The following TUNAR variants were observed in gnomAD, a reference collection of about 807,000 sequenced individuals.
The protein encoded by TUNAR is protein TUNAR.
At chr14:95,897,932 C>G (rs1889291009) in intron 2 of TUNAR, among the ~76,000 whole-genome samples, 1 of 152,038 alleles carries the variant, frequency 6.6e-6, no homozygotes, top group African/African-American at 2.4e-5. Flanking sequence ...GAGCCTTTCC[C>G]CATTGTTTTT....
chr14:95,882,564 A>G (rs1888997078), intron 2 of TUNAR, among the ~76,000 whole-genome samples: 1 of 152,230 alleles, frequency 6.6e-6, no homozygotes. Flanking sequence ...GTGGTGGCTA[A>G]GAGAGGCTAG....
rs2139659532 is a variant in TUNAR at position 95,895,419 on chromosome 14, T to C, written c.12+18242T>C. Among the ~76,000 whole-genome samples the C allele has an allele frequency of 1.3e-5, 2 of 151,708 alleles. No individual in the cohort carries two copies. The highest frequency in any genetic ancestry group is 6.8e-3 in the Middle Eastern group (2 of 294). On this transcript the variant is annotated intron_variant, in intron 2 of 2. Coordinates refer to ENST00000678517, the Ensembl canonical transcript of TUNAR. This position sits in a 1 kb window ranked among gnomAD's most constrained non-coding sequence, Gnocchi z 4.5. Reference sequence around the variant, plus strand: ...CACACATGTGTGCATGTTGTTAGAGTGTGTGTGGTGCGTGTGTGTATGTGT... The same window carrying C: ...CACACATGTGTGCATGTTGTTAGAGCGTGTGTGGTGCGTGTGTGTATGTGT...
intron 2 of TUNAR, among the ~76,000 whole-genome samples, chr14:95,879,059 T>G (rs1888935717): frequency 6.6e-6 from 1 of 152,202 alleles, no homozygotes; most frequent in Non-Finnish European, 1.5e-5. Flanking sequence ...CGGCCTTAGC[T>G]TGGCTGCAGA....
chr14:95,878,268 GCTGTTTGCTTAAGTGCATTTAGTTAA>G (rs879549868), intron 2 of TUNAR, among the ~76,000 whole-genome samples: 113 of 152,342 alleles, frequency 7.4e-4, no homozygotes, highest in African/African-American at 1.7e-3. Context: ...GCCGCTGTTA[GCTGTTTGCTTAAGTGCATTTAGTTAA>G]CTGTTTGCTT....
intron 2 of TUNAR, among the ~76,000 whole-genome samples, chr14:95,916,149 A>G (rs55693545): frequency 0.1 from 15,571 of 152,332 alleles, 948 homozygotes; most frequent in South Asian, 0.22. Flanking sequence ...GAATGTAAGT[A>G]TAAAGAGCAA....
chr14:95,892,372 T>C (rs938857919), intron 2 of TUNAR, among the ~76,000 whole-genome samples: 5 of 152,254 alleles, frequency 3.3e-5, no homozygotes, highest in African/African-American at 1.2e-4. Flanking sequence ...CTGTCTGAGA[T>C]GCTGCAAGTG....
At chr14:95,882,269 G>A (rs1888992015) in intron 2 of TUNAR, among the ~76,000 whole-genome samples, 1 of 96,756 alleles carries the variant, frequency 1.0e-5, no homozygotes, top group African/African-American at 3.1e-5. Context: ...TTTCTAACAT[G>A]TGTAGTTACT....
intron 2 of TUNAR, among the ~76,000 whole-genome samples, chr14:95,891,137 A>G (rs1453090909): frequency 1.3e-5 from 2 of 152,228 alleles, no homozygotes; most frequent in Non-Finnish European, 2.9e-5. Flanking sequence ...GTTGGCAAAC[A>G]CTTTTAATTA....
intron 2 of TUNAR, among the ~76,000 whole-genome samples, chr14:95,879,014 C>T (rs1032020219): frequency 6.6e-6 from 1 of 152,070 alleles, no homozygotes; most frequent in Non-Finnish European, 1.5e-5. Flanking sequence ...CTTCCAACTG[C>T]ATTGTTTGCT....
chr14:95,897,231 T>C (rs943153322), intron 2 of TUNAR, among the ~76,000 whole-genome samples: 1 of 152,206 alleles, frequency 6.6e-6, no homozygotes, highest in African/African-American at 2.4e-5. Flanking sequence ...AGACAGTGCA[T>C]TGATCGTCTT....
chr14:95,890,210 G>A (rs981650738), intron 2 of TUNAR, among the ~76,000 whole-genome samples: 6 of 152,170 alleles, frequency 3.9e-5, no homozygotes, highest in African/African-American at 9.7e-5. Context: ...GTCTGGCTTC[G>A]TGAAGGAGAA....
chr14:95,884,281 C>T (rs1183989348), intron 2 of TUNAR, among the ~76,000 whole-genome samples: 1 of 152,118 alleles, frequency 6.6e-6, no homozygotes, highest in Non-Finnish European at 1.5e-5. Context: ...CGATCTGGCC[C>T]TCCATCTCAC....
chr14:95,881,889 C>G (rs894488983), intron 2 of TUNAR, among the ~76,000 whole-genome samples: 3 of 152,224 alleles, frequency 2.0e-5, no homozygotes, highest in Non-Finnish European at 4.4e-5. Context: ...TAACGATACT[C>G]AGGCTGGGTT....
At chr14:95,908,025 C>T (rs1889451919) in intron 2 of TUNAR, among the ~76,000 whole-genome samples, 1 of 152,180 alleles carries the variant, frequency 6.6e-6, no homozygotes, top group African/African-American at 2.4e-5. Flanking sequence ...CCACAAGTCC[C>T]CAGTTTGATC....
At chr14:95,916,666 G>A (rs969383506) in intron 2 of TUNAR, among the ~76,000 whole-genome samples, 2 of 152,202 alleles carry the variant, frequency 1.3e-5, no homozygotes, top group African/African-American at 4.8e-5. Context: ...TCACTGAGGT[G>A]TGAGTATGTT....
intron 2 of TUNAR, among the ~76,000 whole-genome samples, chr14:95,903,975 T>C (rs556982032): frequency 2.0e-5 from 3 of 152,332 alleles, no homozygotes; most frequent in Admixed American, 2.0e-4. Context: ...AAATGGAAGC[T>C]GCTGGGCTGT....
At chr14:95,919,982 A>C (rs1301523851) in intron 2 of TUNAR, among the ~76,000 whole-genome samples, 1 of 152,234 alleles carries the variant, frequency 6.6e-6, no homozygotes, top group African/African-American at 2.4e-5. Flanking sequence ...AGCATTATTC[A>C]TAATAGCCCC....
chr14:95,913,142 CTT>C (rs58500125), intron 2 of TUNAR, among the ~76,000 whole-genome samples: 16 of 136,386 alleles, frequency 1.2e-4, no homozygotes, highest in East Asian at 2.1e-4. Flanking sequence ...ATTTTCTTTC[CTT>C]TTTTTTTTTT....
intron 2 of TUNAR, among the ~76,000 whole-genome samples, chr14:95,882,827 C>A (rs1347880807): frequency 6.6e-6 from 1 of 152,150 alleles, no homozygotes; most frequent in East Asian, 1.9e-4. Context: ...CTTCTTGATT[C>A]TTTTAATTCA....
Sources: gnomAD v4.1 joint callset for allele counts (sites outside exome capture counted in the v4.1 genomes callset) on GRCh38, gnomAD v4.1.1 for gene constraint, Gnocchi (gnomAD v3.1) non-coding constraint, MANE v1.5 for transcripts, NCBI Gene and HGNC (gene_info 2026-07-23, HGNC 2026-07-21) for gene names.